Variants in STAU1 observed in about 807,000 individuals in gnomAD.
The protein encoded by STAU1 is double-stranded RNA-binding protein Staufen homolog 1.
In STAU1, 13 loss-of-function variants were observed where a neutral mutation model predicts 62.9. That is an observed-to-expected ratio of 0.21 (90% CI 0.13 to 0.33). The LOEUF (loss-of-function observed/expected upper bound fraction) is 0.33. Ranked by LOEUF, STAU1 falls within the 10% of genes least tolerant of loss-of-function variation. The pLI is 1.00. For missense variants in STAU1, 571 were observed against 712.1 expected (o/e 0.80, Z 2.25); for synonymous variants, 269 against 265.1 (o/e 1.01, Z -0.14).
At position 49,133,362 on chromosome 20, in the gene STAU1, C is replaced by A. The variant is rs531959487; in HGVS notation, c.609+2471G>T. 1.6e-3 allele frequency among the ~76,000 whole-genome samples: 238 copies of A among 152,320 alleles called. 1 individual carries two copies. The highest frequency in any genetic ancestry group is 2.5e-3 in the South Asian group (12 of 4,830). On this transcript the variant is annotated intron_variant, in intron 6 of 13. Transcript: ENST00000371856. Reference sequence around the variant, plus strand: ...GCCGTCAACTCTGCACATGAGGTGACCCGGGAAGCCAGCCAGGCATCTCCC... The same window carrying A: ...GCCGTCAACTCTGCACATGAGGTGAACCGGGAAGCCAGCCAGGCATCTCCC...
At chr20:49,148,260 C>T (rs1200119821) in intron 5 of STAU1, among the ~76,000 whole-genome samples, 1 of 152,144 alleles carries the variant, frequency 6.6e-6, no homozygotes, top group Non-Finnish European at 1.5e-5. Context: ...AGTGGAAATT[C>T]CGTACATGAC....
At chr20:49,159,436 G>C (rs1467698144) in intron 3 of STAU1, among the ~76,000 whole-genome samples, 1 of 152,204 alleles carries the variant, frequency 6.6e-6, no homozygotes, top group Non-Finnish European at 1.5e-5. Flanking sequence ...AAGTTCAAGT[G>C]AGAAAGTGCA....
chr20:49,219,141 GAGTTTATAA>G, the STAU1 span, among the ~76,000 whole-genome samples: 1 of 149,778 alleles, frequency 6.7e-6, no homozygotes, highest in East Asian at 1.9e-4. Context: ...TACACATCTA[GAGTTTATAA>G]ATGCAACTCT....
rs1335943898 is a variant in STAU1 at position 49,166,005 on chromosome 20, G to T, written c.197C>A (p.Ala66Glu). 1 of 1,614,096 alleles carries T rather than the reference G, an allele frequency of 6.2e-7. No homozygotes were observed. Among genetic ancestry groups the T allele is most frequent in the Non-Finnish European group, 8.5e-7 (1 of 1,179,930 alleles). ...LPSASITSTS[A>E]AAESITPTVE... ...TGGATTCATATGCTTACCTGCAGCT[G>T]CACTGGTGGATGTAATAGATGCAGA... Residue 66 changes from alanine (A) to glutamate (E), a missense_variant, in exon 3 of 14, where the codon GCA becomes GAA. Around this residue, in one of 3 missense-constraint regions of STAU1, gnomAD observed 414 missense variants for 499.6 expected, o/e 0.83. Coordinates refer to ENST00000371856, the MANE Select transcript of STAU1 (RefSeq NM_017453.4).
chr20:49,126,700 A>T (rs917818718), intron 6 of STAU1, among the ~76,000 whole-genome samples: 1 of 151,964 alleles, frequency 6.6e-6, no homozygotes, highest in Non-Finnish European at 1.5e-5. Flanking sequence ...AAGTCACAAC[A>T]ACTAGGATAT....
intron 2 of STAU1, among the ~76,000 whole-genome samples, chr20:49,170,359 A>AT (rs35442380): frequency 9.9e-5 from 15 of 152,052 alleles, no homozygotes; most frequent in African/African-American, 3.4e-4. Context: ...ATGGAAAAAC[A>AT]TTTTTTTTCT....
the STAU1 span, among the ~76,000 whole-genome samples, chr20:49,213,837 T>G: frequency 6.6e-6 from 1 of 152,192 alleles, no homozygotes; most frequent in South Asian, 2.1e-4. Flanking sequence ...GATGGAAAAC[T>G]GAAAACCACG....
At chr20:49,176,478 T>C (rs189997088) in intron 1 of STAU1, among the ~76,000 whole-genome samples, 241 of 152,332 alleles carry the variant, frequency 1.6e-3, no homozygotes, top group Middle Eastern at 3.4e-3. Flanking sequence ...GATGCTTTTA[T>C]ACATTCTTAC....
At chr20:49,167,935 G>A (rs553412924) in intron 2 of STAU1, among the ~76,000 whole-genome samples, 1 of 152,232 alleles carries the variant, frequency 6.6e-6, no homozygotes, top group Non-Finnish European at 1.5e-5. Context: ...ATCCCAGAAA[G>A]AGCAACCCAA....
the STAU1 span, among the ~76,000 whole-genome samples, chr20:49,212,312 G>A: frequency 6.6e-6 from 1 of 151,972 alleles, no homozygotes; most frequent in Non-Finnish European, 1.5e-5. Context: ...TGTGCTTTTT[G>A]GCCACTTGTA....
the STAU1 span, among the ~76,000 whole-genome samples, chr20:49,196,539 C>A: frequency 4.6e-5 from 7 of 151,954 alleles, no homozygotes; most frequent in African/African-American, 1.2e-4. Flanking sequence ...GTAATCCCAG[C>A]ACTTTGGGAG....
intron 3 of STAU1, 128 bp from the exon 4 acceptor site, chr20:49,154,199 C>T (rs2093318350): frequency 3.2e-6 from 3 of 941,844 alleles, no homozygotes; most frequent in Non-Finnish European, 4.6e-6. Flanking sequence ...ACCTGGGTGG[C>T]TCACTGCTAG....
chr20:49,140,402 A>C (rs1402018405), intron 5 of STAU1, among the ~76,000 whole-genome samples: 1 of 152,206 alleles, frequency 6.6e-6, no homozygotes, highest in East Asian at 1.9e-4. Context: ...AGGTAAAAAC[A>C]ACCCAAATGT....
chr20:49,209,284 T>G, the STAU1 span, among the ~76,000 whole-genome samples: 1 of 150,458 alleles, frequency 6.6e-6, no homozygotes, highest in Admixed American at 6.7e-5. Flanking sequence ...GGACTTACCC[T>G]AGATTTCATT....
intron 6 of STAU1, chr20:49,134,435 A>AG: frequency 1.2e-5 from 1 of 86,368 alleles, no homozygotes; most frequent in Non-Finnish European, 2.3e-5. Context: ...CATCTCAGGG[A>AG]AAAAAAAAAA....
At chr20:49,149,251 AACACACACAC>A (rs34854738) in intron 5 of STAU1, among the ~76,000 whole-genome samples, 51 of 132,030 alleles carry the variant, frequency 3.9e-4, no homozygotes, top group Admixed American at 1.5e-3. Context: ...ACTGTCTCAA[AACACACACAC>A]ACACACACAC....
chr20:49,184,185 C>G (rs1032592538), intron 1 of STAU1, among the ~76,000 whole-genome samples: 2 of 152,134 alleles, frequency 1.3e-5, no homozygotes, highest in Non-Finnish European at 2.9e-5. Flanking sequence ...CCCACCTCAG[C>G]CTCCAAAAGT....
intron 5 of STAU1, among the ~76,000 whole-genome samples, chr20:49,140,465 T>C (rs1319023452): frequency 1.3e-5 from 2 of 152,086 alleles, no homozygotes; most frequent in African/African-American, 4.8e-5. Context: ...CCATAAAACA[T>C]TCACCCTTAA....
chr20:49,150,502 C>A (rs1320624978), intron 5 of STAU1, among the ~76,000 whole-genome samples: 2 of 152,036 alleles, frequency 1.3e-5, no homozygotes, highest in Non-Finnish European at 2.9e-5. Context: ...GCTGGGACTA[C>A]AGGCGCCCAC....
Sources: gnomAD v4.1 joint callset for allele counts (sites outside exome capture counted in the v4.1 genomes callset) on GRCh38, gnomAD v4.1.1 for gene constraint, gnomAD v4.1.1 regional missense constraint, MANE v1.5 for transcripts, NCBI Gene and HGNC (gene_info 2026-07-23, HGNC 2026-07-21) for gene names.